PCSK2: variants seen among roughly 807,000 people sequenced by gnomAD.
PCSK2 encodes the protein neuroendocrine convertase 2.
In PCSK2, 14 loss-of-function variants were observed where a neutral mutation model predicts 69.7. The observed-to-expected ratio is 0.20, with a 90% confidence interval of 0.13 to 0.31. The LOEUF (loss-of-function observed/expected upper bound fraction) is 0.31, where lower values mean the gene tolerates loss of function less well. Ranked by LOEUF, PCSK2 falls within the 10% of genes least tolerant of loss-of-function variation. The probability of loss-of-function intolerance (pLI) is 1.00; values close to 1 mark genes in which losing one functional copy is unlikely to be tolerated. For missense variants in PCSK2, 544 were observed against 842.5 expected (o/e 0.65, Z 4.39); for synonymous variants, 307 against 320.7 (o/e 0.96, Z 0.46).
intron 10 of PCSK2, among the ~76,000 whole-genome samples, chr20:17,457,501 G>C (rs1453369344): frequency 6.6e-6 from 1 of 152,210 alleles, no homozygotes; most frequent in Non-Finnish European, 1.5e-5. Flanking sequence ...CCCAAATTGA[G>C]AGTGACTTCT....
chr20:17,245,114 G>A (rs575854796), intron 1 of PCSK2, among the ~76,000 whole-genome samples: 31 of 152,208 alleles, frequency 2.0e-4, no homozygotes, highest in African/African-American at 5.8e-4. Flanking sequence ...GTTTCCTCCC[G>A]AAGAAGAGCT....
chr20:17,259,955 G>A (rs1437182377), intron 1 of PCSK2, among the ~76,000 whole-genome samples: 1 of 152,092 alleles, frequency 6.6e-6, no homozygotes, highest in African/African-American at 2.4e-5. Context: ...CATGGAAAAG[G>A]AAAGGGAATC....
chr20:17,357,889 T>G (rs149602122), intron 2 of PCSK2, among the ~76,000 whole-genome samples: 2,384 of 143,628 alleles, frequency 0.017, 34 homozygotes, highest in Non-Finnish European at 0.025. Context: ...AGCGAAACTC[T>G]GTCTCAAAAA....
chr20:17,403,201 A>G (rs2031681841), intron 5 of PCSK2, among the ~76,000 whole-genome samples: 1 of 152,254 alleles, frequency 6.6e-6, no homozygotes, highest in Non-Finnish European at 1.5e-5. Context: ...AGGAGTATGG[A>G]AGAAAGATTT....
chr20:17,382,463 C>T (rs1041207648), intron 5 of PCSK2, among the ~76,000 whole-genome samples: 1 of 152,116 alleles, frequency 6.6e-6, no homozygotes, highest in Non-Finnish European at 1.5e-5. Flanking sequence ...TAACCTGGCC[C>T]CCTCCAGTCT....
intron 6 of PCSK2, among the ~76,000 whole-genome samples, chr20:17,428,560 C>T (rs938760761): frequency 3.3e-5 from 5 of 152,110 alleles, no homozygotes; most frequent in Non-Finnish European, 5.9e-5. Flanking sequence ...CCAATGAACC[C>T]CTTCACCCAC....
At position 17,483,028 on chromosome 20, in the gene PCSK2, A is replaced by T. The variant is rs1245240287; in HGVS notation, c.*958A>T. 4 of 148,564 alleles carry T rather than the reference A, an allele frequency of 2.7e-5. No homozygotes were observed. The highest frequency in any genetic ancestry group is 7.4e-5 in the African/African-American group (3 of 40,400). 9.2% of individuals were successfully genotyped at this position (148,564 alleles called of 1,614,324 possible). A position where few individuals can be genotyped will look rare whatever the true frequency, so the allele number is the denominator to read the frequency against. ...GATCTGAGTGAGAGGCGACAGGAGT[A>T]TTTTTTTTTTTTTACAGCTTTACAC... On this transcript the variant is annotated 3_prime_UTR_variant, in exon 12 of 12. Coordinates refer to ENST00000262545, the MANE Select transcript of PCSK2 (RefSeq NM_002594.5).
intron 3 of PCSK2, among the ~76,000 whole-genome samples, chr20:17,360,120 A>G (rs2030340054): frequency 6.6e-6 from 1 of 152,238 alleles, no homozygotes; most frequent in Non-Finnish European, 1.5e-5. Flanking sequence ...ATATTCAAAT[A>G]AGAATAATCC....
At chr20:17,423,303 T>G (rs189751410) in intron 6 of PCSK2, among the ~76,000 whole-genome samples, 29 of 152,314 alleles carry the variant, frequency 1.9e-4, no homozygotes, top group Admixed American at 1.3e-3. Flanking sequence ...ATTCAAAGAT[T>G]TTCTGATTGG....
intron 5 of PCSK2, among the ~76,000 whole-genome samples, chr20:17,403,397 C>T (rs977605102): frequency 1.3e-5 from 2 of 152,138 alleles, no homozygotes; most frequent in Non-Finnish European, 2.9e-5. Flanking sequence ...TGAGGAAAAT[C>T]AAAATAGGCA....
intron 6 of PCSK2, among the ~76,000 whole-genome samples, chr20:17,409,999 A>G (rs982284111): frequency 2.0e-5 from 3 of 152,216 alleles, no homozygotes; most frequent in Non-Finnish European, 4.4e-5. Context: ...GGTTTGCTCA[A>G]TGAAAGAATA....
chr20:17,278,264 T>C (rs1363640743), intron 2 of PCSK2, among the ~76,000 whole-genome samples: 6 of 152,180 alleles, frequency 3.9e-5, no homozygotes, highest in Non-Finnish European at 8.8e-5. Flanking sequence ...TAAAGACACA[T>C]GCACACGTAT....
At chr20:17,249,133 T>A (rs1369438202) in intron 1 of PCSK2, among the ~76,000 whole-genome samples, 1 of 152,174 alleles carries the variant, frequency 6.6e-6, no homozygotes, top group Non-Finnish European at 1.5e-5. Flanking sequence ...ATACATGACC[T>A]TTCTGAGGTC....
chr20:17,245,312 G>T (rs1297360527), intron 1 of PCSK2, among the ~76,000 whole-genome samples: 2 of 152,198 alleles, frequency 1.3e-5, no homozygotes, highest in Non-Finnish European at 2.9e-5. Context: ...CTTGTTATCT[G>T]TGTGGAATTT....
At chr20:17,231,288 G>T (rs931934744) in intron 1 of PCSK2, among the ~76,000 whole-genome samples, 2 of 152,114 alleles carry the variant, frequency 1.3e-5, no homozygotes, top group Non-Finnish European at 2.9e-5. Flanking sequence ...TCATTATGCT[G>T]CCAGGTAGTA....
chr20:17,369,654 TGA>T lies in PCSK2; in HGVS notation c.543+382_543+383del, dbSNP rs1371172990. 2.0e-5 allele frequency among the ~76,000 whole-genome samples: 3 copies of T among 152,292 alleles called. No individual in the cohort carries two copies. The East Asian group carries it at 5.8e-4, about 29-fold the overall frequency. On this transcript the variant is annotated intron_variant, in intron 5 of 11. Coordinates refer to ENST00000262545, the MANE Select transcript of PCSK2 (RefSeq NM_002594.5). ...TGGCAGCAGGCAAAGGCAGTGGCTT[TGA>T]GAGAAGAAAGAAACCTGACATCTGA... is the stretch of plus-strand genomic sequence containing the variant.
Position 17,481,620 on chromosome 20 carries a change from C to T in PCSK2, c.1467C>T (p.Leu489=). The change falls in exon 12 of 12, where the codon CTC becomes CTT. Residue 489 remains leucine (L), a synonymous_variant. Transcript: ENST00000262545. ...CCACTGGCAAGTTGGTGCTGACACT[C>T]ACAACCGACGCCTGTGAGGGGAAGG... ...IPSTGKLVLT[L]TTDACEGKEN... 6.2e-7 allele frequency: 1 copy of T among 1,614,016 alleles called. No individual in the cohort carries two copies. The highest frequency in any genetic ancestry group is 2.2e-5 in the East Asian group (1 of 44,862).
chr20:17,347,942 A>AG (rs1990720637), intron 2 of PCSK2, among the ~76,000 whole-genome samples: 2 of 28,908 alleles, frequency 6.9e-5, no homozygotes, highest in African/African-American at 2.5e-4. Flanking sequence ...AAGAGAAAGA[A>AG]AGAAAGAAAG....
intron 2 of PCSK2, among the ~76,000 whole-genome samples, chr20:17,280,679 C>A (rs544436124): frequency 6.6e-6 from 1 of 152,208 alleles, no homozygotes; most frequent in Non-Finnish European, 1.5e-5. Context: ...AGAAGATTCT[C>A]CATTAATTCC....
Sources: allele counts gnomAD v4.1 joint callset (sites outside exome capture counted in the v4.1 genomes callset), GRCh38; gene constraint gnomAD v4.1.1; transcripts MANE v1.5; gene names NCBI Gene and HGNC (gene_info 2026-07-23, HGNC 2026-07-21).